SYNE1: variants seen among roughly 807,000 people sequenced by gnomAD.
SYNE1 encodes the protein spectrin repeat containing nuclear envelope protein 1.
SYNE1 carries 616 observed loss-of-function variants against 1,111.0 expected under a neutral mutation model. The observed-to-expected ratio is 0.55, with a 90% confidence interval of 0.52 to 0.59. SYNE1 has a LOEUF of 0.59. Among genes scored for constraint, SYNE1 ranks in the 20% least tolerant of loss-of-function variants. SYNE1 has a pLI of 0.00. For synonymous variants in SYNE1, 3,855 were observed against 3,825.8 expected, an observed-to-expected ratio of 1.01 and a Z score of -0.28; for missense variants, 10,006 against 10,417.0, an observed-to-expected ratio of 0.96 and a Z score of 1.72.
At chr6:152,222,896 T>C (rs2080506513) in intron 117 of SYNE1, among the ~76,000 whole-genome samples, 1 of 152,188 alleles carries the variant, frequency 6.6e-6, no homozygotes, top group Non-Finnish European at 1.5e-5. Flanking sequence ...ATCAGACAGG[T>C]TTGGCATCTT....
At position 152,218,957 on chromosome 6, in the gene SYNE1, T is replaced by A. The variant is rs770623378; in HGVS notation, c.22044+46A>T. The A allele has an allele frequency of 4.4e-6, 7 of 1,583,780 alleles. No homozygotes were observed. In the African/African-American group the frequency reaches 9.4e-5, roughly 21 times the overall value. ...TTTTTCTGTGTTTGTGCCCAGATATTAGAGAACAGCCAATATACAGAAGAT... is the reference window on the plus strand; with the variant it reads ...TTTTTCTGTGTTTGTGCCCAGATATAAGAGAACAGCCAATATACAGAAGAT... On this transcript the variant is annotated intron_variant, in intron 120 of 145. Coordinates refer to ENST00000367255, the MANE Select transcript of SYNE1 (RefSeq NM_182961.4).
rs995504221 is a variant in SYNE1 at position 152,224,660 on chromosome 6, C to T, written c.21356G>A (p.Gly7119Glu). Residue 7119 changes from glycine to glutamate, a missense_variant, in exon 117 of 146, where the codon GGA becomes GAA. Gly to Glu is a moderately conservative substitution (Grantham distance 98). Around this residue, in one of 7 missense-constraint regions of SYNE1, gnomAD observed 2,182 missense variants for 2,287.8 expected, o/e 0.95. Coordinates refer to ENST00000367255, the MANE Select transcript of SYNE1 (RefSeq NM_182961.4). ...TGATTTCAGCAGTATCTTTAATTGT[C>T]CAACCTTTTGAAAAAGACAAATATG... is the stretch of plus-strand genomic sequence containing the variant. ...QTWANLDHMV[G>E]QLKILLKSVL... 4 of 1,613,374 alleles carry T rather than the reference C, an allele frequency of 2.5e-6. No homozygotes were observed. The highest frequency in any genetic ancestry group is 3.4e-6 in the Non-Finnish European group (4 of 1,179,866).
chr6:152,486,365 T>A (rs1160971591), intron 12 of SYNE1, among the ~76,000 whole-genome samples: 1 of 152,214 alleles, frequency 6.6e-6, no homozygotes, highest in Non-Finnish European at 1.5e-5. Flanking sequence ...AATGTAAAGA[T>A]GAAATGAAAT....
At position 152,239,536 on chromosome 6, in the gene SYNE1, T is replaced by C. The variant is rs764717227; in HGVS notation, c.20064A>G (p.Leu6688=). The C allele has an allele frequency of 6.2e-7, 1 of 1,614,168 alleles. No individual in the cohort carries two copies. Among genetic ancestry groups the C allele is most frequent in the Non-Finnish European group, 8.5e-7 (1 of 1,180,020 alleles). The part of the protein sequence containing the change: ...HKRGVELEYI[L]ETWSHLDEDQ... ...GATATGACATCAATGGTCTCACCTC[T>C]AGAATGTACTCCAGCTCCACACCCC... is the stretch of plus-strand genomic sequence containing the variant. The change falls in exon 108 of 146, where the codon CTA becomes CTG. Residue 6688 remains leucine, a synonymous_variant. Transcript: ENST00000367255.
intron 129 of SYNE1, chr6:152,179,556 A>AC (rs1325254593): frequency 6.6e-6 from 1 of 150,438 alleles, no homozygotes; most frequent in Non-Finnish European, 1.5e-5. Flanking sequence ...GGTAATTAAG[A>AC]CCCCCAAATA....
intron 4 of SYNE1, among the ~76,000 whole-genome samples, chr6:152,536,949 G>A (rs896772554): frequency 6.6e-6 from 1 of 152,134 alleles, no homozygotes; most frequent in Non-Finnish European, 1.5e-5. Context: ...TTGGCACGTG[G>A]TAAGAATTTA....
At chr6:152,445,051 G>A (rs214993) in intron 29 of SYNE1, among the ~76,000 whole-genome samples, 78,927 of 151,706 alleles carry the variant, frequency 0.52, 22,112 homozygotes, top group East Asian at 0.76. Flanking sequence ...TATGGGGCTT[G>A]CAGGTTTTAT....
chr6:152,624,290 AACCAAC>A (rs769668867), intron 3 of SYNE1, among the ~76,000 whole-genome samples: 1 of 152,174 alleles, frequency 6.6e-6, no homozygotes, highest in Non-Finnish European at 1.5e-5. Context: ...ATCCTACAAT[AACCAAC>A]ACTGATATGT....
intron 140 of SYNE1, among the ~76,000 whole-genome samples, chr6:152,139,389 G>A (rs1223891001): frequency 1.3e-5 from 2 of 151,570 alleles, no homozygotes; most frequent in Admixed American, 6.6e-5. Flanking sequence ...TGGGCAACAC[G>A]GCAAAACCCC....
At position 152,387,231 on chromosome 6, in the gene SYNE1, G is replaced by C. The variant is rs140234214; in HGVS notation, c.8328C>G (p.Leu2776=). ...LKEKFVLLDH[L]QSILSEAEDH... ...CTTCTGCCTCAGACAGGATGGACTG[G>C]AGGTGGTCAAGCAGGACGAACTTCT... Residue 2776 remains leucine (L), a synonymous_variant, in exon 54 of 146, where the codon CTC becomes CTG. Transcript: ENST00000367255. 5 of 1,614,152 alleles carry C rather than the reference G, an allele frequency of 3.1e-6. No homozygotes were observed. The highest frequency in any genetic ancestry group is 1.6e-4 in the Middle Eastern group (1 of 6,062).
intron 4 of SYNE1, 92 bp from the exon 5 acceptor site, chr6:152,526,267 A>T: frequency 1.5e-6 from 2 of 1,302,816 alleles, no homozygotes; most frequent in Non-Finnish European, 2.2e-6. Flanking sequence ...TATGGTGGTG[A>T]AATTTGTAGG....
At chr6:152,342,555 G>A (rs780967942) in intron 74 of SYNE1, among the ~76,000 whole-genome samples, 1 of 152,116 alleles carries the variant, frequency 6.6e-6, no homozygotes, top group Non-Finnish European at 1.5e-5. Context: ...TACTTCGGGG[G>A]ACAAATTAAC....
intron 130 of SYNE1, among the ~76,000 whole-genome samples, chr6:152,169,489 G>C (rs1275325265): frequency 6.7e-6 from 1 of 149,632 alleles, no homozygotes; most frequent in Non-Finnish European, 1.5e-5. Flanking sequence ...GTGAACCTGG[G>C]AGGCAGAGCT....
In SYNE1 at chr6:152,148,075, A is replaced by T; in HGVS notation, c.24946T>A (p.Phe8316Ile). 2 of 1,614,136 alleles carry T rather than the reference A, an allele frequency of 1.2e-6. No individual in the cohort carries two copies. Among genetic ancestry groups the T allele is most frequent in the Non-Finnish European group, 1.7e-6 (2 of 1,180,032 alleles). The stretch of plus-strand genomic sequence containing the variant: ...AAGCCAACAGCTCCCCGGAGGTAGA[A>T]ATCTTTGTCATCCTGACCTTCTTCA... ...EDEEGQDDKD[F>I]YLRGAVGLSG... The change falls in exon 137 of 146, where the codon TTC becomes ATC. Residue 8316 changes from phenylalanine to isoleucine, a missense_variant. Physicochemically the swap from Phe to Ile is conservative, Grantham distance 21 (BLOSUM62 0). This residue lies in a region of SYNE1 where 761 missense variants were observed against 795.5 expected (regional missense o/e 0.96). Coordinates refer to ENST00000367255, the MANE Select transcript of SYNE1 (RefSeq NM_182961.4). This position sits in a 1 kb window ranked among gnomAD's most constrained non-coding sequence, Gnocchi z 4.1.
At chr6:152,458,702 T>C in intron 22 of SYNE1, 55 bp downstream of exon 22, 1 of 1,579,358 alleles carries the variant, frequency 6.3e-7, no homozygotes, top group Non-Finnish European at 8.7e-7. Flanking sequence ...AGCAACACCC[T>C]GGTCTTGTTA....
Position 152,436,807 on chromosome 6 carries a change from G to A in SYNE1, c.4150-706C>T, listed in dbSNP as rs533243708. Among the ~76,000 whole-genome samples, 7 of 152,240 alleles carry A rather than the reference G, an allele frequency of 4.6e-5. No homozygotes were observed. In the East Asian group the frequency reaches 1.4e-3, roughly 29 times the overall value. On this transcript the variant is annotated intron_variant, in intron 32 of 145. Transcript: ENST00000367255. The stretch of plus-strand genomic sequence containing the variant: ...ATAGTGATTGATCATAGACATAATA[G>A]ATTTCTAGGCCAATGAATAGAAACA...
intron 133 of SYNE1, among the ~76,000 whole-genome samples, chr6:152,152,673 C>T (rs1300202886): frequency 2.0e-5 from 3 of 152,134 alleles, no homozygotes; most frequent in African/African-American, 7.2e-5. Flanking sequence ...CTTAAAACTA[C>T]CTTTTGCAAA....
At chr6:152,615,497 AT>A (rs1223006071) in intron 3 of SYNE1, among the ~76,000 whole-genome samples, 1 of 152,108 alleles carries the variant, frequency 6.6e-6, no homozygotes, top group African/African-American at 2.4e-5. Context: ...CAGAAATAAC[AT>A]TCCTTCTTTG....
At chr6:152,338,038 C>T (rs1450629510) in intron 75 of SYNE1, among the ~76,000 whole-genome samples, 1 of 151,790 alleles carries the variant, frequency 6.6e-6, no homozygotes, top group Non-Finnish European at 1.5e-5. Context: ...GTCCCAGCTA[C>T]TCGGGAGGTT....
Sources: allele counts gnomAD v4.1 joint callset (sites outside exome capture counted in the v4.1 genomes callset), GRCh38; gene constraint gnomAD v4.1.1; regional missense constraint gnomAD v4.1.1; non-coding constraint Gnocchi (gnomAD v3.1); transcripts MANE v1.5; gene names NCBI Gene and HGNC (gene_info 2026-07-23, HGNC 2026-07-21).